The following C17orf67 variants were observed in gnomAD, a reference collection of about 807,000 sequenced individuals.
C17orf67 encodes the protein chromosome 17 open reading frame 67, also known as uncharacterized protein C17orf67.
C17orf67 carries 12 observed loss-of-function variants against 11.2 expected under a neutral mutation model. The observed-to-expected ratio is 1.07, with a 90% CI of 0.68 to 1.73. The LOEUF (loss-of-function observed/expected upper bound fraction) is 1.73. Ranked by LOEUF, C17orf67 falls within the 40% of genes most tolerant of loss-of-function variation. The pLI, the probability that C17orf67 is intolerant of heterozygous loss-of-function variation, is 0.00. For synonymous variants in C17orf67, 59 were observed against 46.9 expected (o/e 1.26, Z -1.05); for missense variants, 115 against 113.5 (o/e 1.01, Z -0.06).
chr17:56,817,172 T>C (rs1280971778), intron 4 of C17orf67, among the ~76,000 whole-genome samples: 1 of 152,042 alleles, frequency 6.6e-6, no homozygotes, highest in African/African-American at 2.4e-5. Flanking sequence ...ATTCAATACA[T>C]GATTAAAATA....
At chr17:56,807,820 G>A (rs1345157745) in intron 6 of C17orf67, among the ~76,000 whole-genome samples, 1 of 151,664 alleles carries the variant, frequency 6.6e-6, no homozygotes, top group African/African-American at 2.4e-5. Context: ...AGCCCAGGAG[G>A]CCCAGACTCC....
chr17:56,809,676 C>T (rs540753371), intron 6 of C17orf67, among the ~76,000 whole-genome samples: 16 of 143,928 alleles, frequency 1.1e-4, no homozygotes, highest in Non-Finnish European at 2.1e-4. Context: ...CACACACAGA[C>T]CCTCACACAC....
At position 56,815,906 on chromosome 17, in the gene C17orf67, C is replaced by T. The variant is rs1240448100; in HGVS notation, c.-96G>A. 3 of 1,594,496 alleles carry T rather than the reference C, an allele frequency of 1.9e-6. No individual in the cohort carries two copies. Among genetic ancestry groups the T allele is most frequent in the South Asian group, 2.2e-5 (2 of 90,382 alleles). On this transcript the variant is annotated 5_prime_UTR_variant, in exon 5 of 8. Transcript: ENST00000397861. ...ATGCCAGGCCCTGCGCTTGTTTATG[C>T]TTTGACTAACGGGACTTACGGTATG...
At chr17:56,811,591 T>A (rs1218137817) in intron 6 of C17orf67, among the ~76,000 whole-genome samples, 1 of 152,150 alleles carries the variant, frequency 6.6e-6, no homozygotes, top group African/African-American at 2.4e-5. Context: ...TTGTACCAGA[T>A]AACCTCGTTA....
chr17:56,829,310 G>C (rs898334302), intron 2 of C17orf67, among the ~76,000 whole-genome samples: 2 of 152,038 alleles, frequency 1.3e-5, no homozygotes, highest in African/African-American at 2.4e-5. Flanking sequence ...TCACATCCCT[G>C]GTTCAAGAAC....
At chr17:56,821,038 T>TGC (rs1905891465) in intron 4 of C17orf67, among the ~76,000 whole-genome samples, 1 of 152,156 alleles carries the variant, frequency 6.6e-6, no homozygotes, top group African/African-American at 2.4e-5. Context: ...GCTTCTCAAA[T>TGC]AGCTGGAACC....
intron 4 of C17orf67, among the ~76,000 whole-genome samples, chr17:56,816,998 C>T (rs1251293806): frequency 6.6e-6 from 1 of 151,952 alleles, no homozygotes; most frequent in African/African-American, 2.4e-5. Context: ...TACAGGCACG[C>T]ACCACAACAC....
At chr17:56,821,657 G>A (rs957099912) in intron 4 of C17orf67, among the ~76,000 whole-genome samples, 1 of 152,160 alleles carries the variant, frequency 6.6e-6, no homozygotes, top group Non-Finnish European at 1.5e-5. Context: ...GTTAGACCTC[G>A]TCACTTTGCT....
At chr17:56,820,344 C>A (rs1037615630) in intron 4 of C17orf67, among the ~76,000 whole-genome samples, 2 of 152,148 alleles carry the variant, frequency 1.3e-5, no homozygotes, top group Non-Finnish European at 2.9e-5. Flanking sequence ...AGTTCAGGGC[C>A]GTGGTGGCTG....
At chr17:56,804,635 T>A (rs965953271) in intron 6 of C17orf67, among the ~76,000 whole-genome samples, 2 of 152,210 alleles carry the variant, frequency 1.3e-5, no homozygotes, top group African/African-American at 4.8e-5. Context: ...AAAGCTAAAA[T>A]GATTTATATT....
At chr17:56,816,043 C>T in intron 4 of C17orf67, 33 bp from the exon 5 acceptor site, 1 of 683,292 alleles carries the variant, frequency 1.5e-6, no homozygotes, top group South Asian at 2.4e-5. Context: ...TGTAATATGA[C>T]TTTCAGAGCT....
At chr17:56,822,515 T>C (rs981054355) in intron 4 of C17orf67, among the ~76,000 whole-genome samples, 1 of 152,194 alleles carries the variant, frequency 6.6e-6, no homozygotes, top group Non-Finnish European at 1.5e-5. Flanking sequence ...AAAATTCACC[T>C]CATAAGGTTA....
chr17:56,832,065 G>A (rs1906219802), intron 2 of C17orf67, among the ~76,000 whole-genome samples: 1 of 152,058 alleles, frequency 6.6e-6, no homozygotes, highest in Admixed American at 6.6e-5. Context: ...TCTGCCTCAA[G>A]CCTCCCAAGT....
chr17:56,807,662 C>T (rs1453476437), intron 6 of C17orf67, among the ~76,000 whole-genome samples: 1 of 152,152 alleles, frequency 6.6e-6, no homozygotes, highest in African/African-American at 2.4e-5. Flanking sequence ...ACAAACCTAG[C>T]CCTTCTTTTC....
intron 2 of C17orf67, among the ~76,000 whole-genome samples, chr17:56,828,869 A>G (rs1906113800): frequency 6.6e-6 from 1 of 151,848 alleles, no homozygotes; most frequent in Admixed American, 6.6e-5. Context: ...AAAAAAAAAA[A>G]ACACTGCAGA....
chr17:56,827,368 T>C (rs1906065664), intron 2 of C17orf67, among the ~76,000 whole-genome samples: 1 of 152,230 alleles, frequency 6.6e-6, no homozygotes, highest in African/African-American at 2.4e-5. Context: ...CTCTGGTGTC[T>C]GTTGTGGCTG....
chr17:56,805,913 A>C (rs1567794696), intron 6 of C17orf67, among the ~76,000 whole-genome samples: 1 of 151,864 alleles, frequency 6.6e-6, no homozygotes, highest in Admixed American at 6.6e-5. Flanking sequence ...ACTAAAAAGA[A>C]ATACATTTTT....
intron 6 of C17orf67, among the ~76,000 whole-genome samples, chr17:56,797,540 C>T (rs72837341): frequency 0.12 from 18,394 of 152,102 alleles, 1,215 homozygotes; most frequent in South Asian, 0.16. Flanking sequence ...GGGTGGAGAA[C>T]GGACTGGGGT....
chr17:56,795,218 C>A, intron 6 of C17orf67, 38 bp from the exon 7 acceptor site: 1 of 1,580,944 alleles, frequency 6.3e-7, no homozygotes, highest in South Asian at 1.1e-5. Context: ...GCTTCACCCA[C>A]AGTGACAGCC....
Sources: allele counts gnomAD v4.1 joint callset (sites outside exome capture counted in the v4.1 genomes callset), GRCh38; gene constraint gnomAD v4.1.1; transcripts MANE v1.5; gene names NCBI Gene and HGNC (gene_info 2026-07-23, HGNC 2026-07-21).